SYT2: variants seen among roughly 807,000 people sequenced by gnomAD.
The protein encoded by SYT2 is synaptotagmin-2.
Under a neutral mutation model 39.9 loss-of-function variants are expected in SYT2, and 15 were observed. The observed-to-expected ratio is 0.38, with a 90% CI of 0.25 to 0.58. The LOEUF (loss-of-function observed/expected upper bound fraction) is 0.58, where lower values mean the gene tolerates loss of function less well. Ranked by LOEUF, SYT2 falls within the 20% of genes least tolerant of loss-of-function variation. The probability of loss-of-function intolerance (pLI) is 0.70; values close to 1 mark genes in which losing one functional copy is unlikely to be tolerated. For synonymous variants in SYT2, 181 were observed against 204.5 expected (o/e 0.89, Z 0.98); for missense variants, 389 against 530.3 (o/e 0.73, Z 2.62).
intron 1 of SYT2, among the ~76,000 whole-genome samples, chr1:202,664,821 A>G (rs940425219): frequency 1.3e-5 from 2 of 152,130 alleles, no homozygotes; most frequent in Non-Finnish European, 2.9e-5. Context: ...CACCATGCCC[A>G]GCTAATTTTG....
At chr1:202,684,600 G>T (rs890877692) in intron 1 of SYT2, among the ~76,000 whole-genome samples, 19 of 152,144 alleles carry the variant, frequency 1.2e-4, no homozygotes, top group African/African-American at 4.6e-4. Flanking sequence ...TGAACATGGG[G>T]GTGCAGGTGT....
chr1:202,621,720 C>G lies in SYT2; in HGVS notation c.-17-15931G>C, dbSNP rs1691207765. ...GAAGAATGCCACCAGGACCTGCCCC[C>G]CTCACCCTCAGAGGACCCCTAGGCT... On this transcript the variant is annotated intron_variant, in intron 1 of 8. Transcript: ENST00000367268. 2.0e-5 allele frequency among the ~76,000 whole-genome samples: 3 copies of G among 152,196 alleles called. No homozygotes were observed. The South Asian group carries it at 6.2e-4, about 31-fold the overall frequency.
intron 1 of SYT2, chr1:202,632,176 A>G (rs988276902): frequency 5.2e-6 from 4 of 765,554 alleles, no homozygotes; most frequent in Non-Finnish European, 6.4e-6. Context: ...TGTGGGGCAC[A>G]TTGCTGTGGG....
In SYT2 at chr1:202,708,172, C is replaced by T. The variant is rs141720195; in HGVS notation, c.-18+2086G>A. Among the ~76,000 whole-genome samples, 3 of 152,226 alleles carry T rather than the reference C, an allele frequency of 2.0e-5. No homozygotes were observed. In the East Asian group the frequency reaches 5.8e-4, roughly 29 times the overall value. On this transcript the variant is annotated intron_variant, in intron 1 of 8. Transcript: ENST00000367268. ...ACCAACACTTTTTGCTTCCCCTGGTCCTGTTCTGCGGATGTCAGACCCCAA... is the reference window on the plus strand; with the variant it reads ...ACCAACACTTTTTGCTTCCCCTGGTTCTGTTCTGCGGATGTCAGACCCCAA...
chr1:202,626,398 CTTTTTTTTTTT>C lies in SYT2; in HGVS notation c.-17-20620_-17-20610del, dbSNP rs58802666. 2.9e-4 allele frequency among the ~76,000 whole-genome samples: 21 copies of C among 72,454 alleles called. 1 individual carries two copies. The South Asian group carries it at 9.1e-3, about 31-fold the overall frequency. 47.5% of individuals were successfully genotyped at this position (72,454 alleles called of 152,430 possible). A position where few individuals can be genotyped will look rare whatever the true frequency, so the allele number is the denominator to read the frequency against. On this transcript the variant is annotated intron_variant, in intron 1 of 8. Coordinates refer to ENST00000367268, the MANE Select transcript of SYT2 (RefSeq NM_177402.5). ...TGCATCTCCCAAGACAGCCTCTCAG[CTTTTTTTTTTT>C]TTTTTTTTTTTTTTTTTGAGACAGG...
intron 1 of SYT2, 43 bp from the exon 2 acceptor site, chr1:202,605,832 T>G: frequency 6.6e-7 from 1 of 1,519,642 alleles, no homozygotes; most frequent in East Asian, 2.3e-5. Flanking sequence ...CATCCAGAGG[T>G]CGTCTTACCC....
At chr1:202,647,001 C>T (rs1406854135) in intron 1 of SYT2, among the ~76,000 whole-genome samples, 2 of 152,252 alleles carry the variant, frequency 1.3e-5, no homozygotes, top group African/African-American at 4.8e-5. Flanking sequence ...ATTCTCTGCA[C>T]TGTCCCTGCG....
At chr1:202,637,330 C>T (rs1335160371) in intron 1 of SYT2, among the ~76,000 whole-genome samples, 7 of 152,072 alleles carry the variant, frequency 4.6e-5, no homozygotes, top group Admixed American at 2.0e-4. Flanking sequence ...CCAGCCTGGG[C>T]GACAGAGTGA....
intron 8 of SYT2, among the ~76,000 whole-genome samples, chr1:202,598,234 G>A (rs1216474358): frequency 6.6e-6 from 1 of 152,166 alleles, no homozygotes; most frequent in East Asian, 1.9e-4. Flanking sequence ...GGTAAATGAT[G>A]GACTGTGGGG....
At position 202,640,499 on chromosome 1, in the gene SYT2, C is replaced by T. The variant is rs373541354; in HGVS notation, c.-17-34710G>A. 2.0e-4 allele frequency among the ~76,000 whole-genome samples: 31 copies of T among 151,780 alleles called. No homozygotes were observed. In the East Asian group the frequency reaches 6.0e-3, roughly 29 times the overall value. ...GCCACTCCTTCCACCTGGGTGTAGACATGCCTTTAGCCACTCACTCCAGGG... is the reference window on the plus strand; with the variant it reads ...GCCACTCCTTCCACCTGGGTGTAGATATGCCTTTAGCCACTCACTCCAGGG... On this transcript the variant is annotated intron_variant, in intron 1 of 8. Coordinates refer to ENST00000367268, the MANE Select transcript of SYT2 (RefSeq NM_177402.5).
intron 4 of SYT2, 91 bp downstream of exon 4, chr1:202,602,908 C>T (rs1197121084): frequency 6.7e-7 from 1 of 1,482,692 alleles, no homozygotes; most frequent in Non-Finnish European, 9.3e-7. Flanking sequence ...AGTGCCCACA[C>T]ATCTCTGAGG....
chr1:202,600,233 C>G (rs973593652), intron 7 of SYT2, 124 bp downstream of exon 7: 1 of 799,544 alleles, frequency 1.3e-6, no homozygotes, highest in Non-Finnish European at 2.1e-6. Flanking sequence ...CCCCGCTCCT[C>G]GAGGAGACAT....
chr1:202,644,942 G>A (rs1405612671), intron 1 of SYT2, among the ~76,000 whole-genome samples: 3 of 152,168 alleles, frequency 2.0e-5, no homozygotes, highest in Admixed American at 1.3e-4. Context: ...TCTTCAGAAG[G>A]GCAGCAGCTC....
At chr1:202,692,719 T>A (rs1460713848) in intron 1 of SYT2, among the ~76,000 whole-genome samples, 1 of 152,108 alleles carries the variant, frequency 6.6e-6, no homozygotes, top group Non-Finnish European at 1.5e-5. Context: ...GCAGAAACAA[T>A]GTTATACAAC....
At chr1:202,687,078 AGGG>A (rs1653686683) in intron 1 of SYT2, among the ~76,000 whole-genome samples, 1 of 152,098 alleles carries the variant, frequency 6.6e-6, no homozygotes, top group South Asian at 2.1e-4. Flanking sequence ...GTGAAGGGAA[AGGG>A]CTGTGTCTTA....
intron 1 of SYT2, among the ~76,000 whole-genome samples, chr1:202,616,134 C>T (rs1415016306): frequency 3.9e-5 from 6 of 152,148 alleles, no homozygotes; most frequent in East Asian, 1.9e-4. Flanking sequence ...CTCCAGTTTC[C>T]GCAGGCCTGT....
chr1:202,706,551 CAG>C (rs898012320), intron 1 of SYT2, among the ~76,000 whole-genome samples: 5 of 152,170 alleles, frequency 3.3e-5, no homozygotes, highest in Admixed American at 6.5e-5. Context: ...GACTAAAAAA[CAG>C]AGTGTGATTG....
chr1:202,709,778 C>G (rs1292570823), intron 1 of SYT2, among the ~76,000 whole-genome samples: 1 of 152,190 alleles, frequency 6.6e-6, no homozygotes, highest in Non-Finnish European at 1.5e-5. Context: ...CAGACCCCAC[C>G]CCCCGCCCCA....
At chr1:202,613,119 C>T (rs1184011946) in intron 1 of SYT2, among the ~76,000 whole-genome samples, 8 of 143,250 alleles carry the variant, frequency 5.6e-5, no homozygotes, top group South Asian at 2.2e-4. Flanking sequence ...CTCGCTCTGT[C>T]GCCCAGGCTG....
Sources: gnomAD v4.1 joint callset for allele counts (sites outside exome capture counted in the v4.1 genomes callset) on GRCh38, gnomAD v4.1.1 for gene constraint, MANE v1.5 for transcripts, NCBI Gene and HGNC (gene_info 2026-07-23, HGNC 2026-07-21) for gene names.